STAB2: variants seen among roughly 807,000 people sequenced by gnomAD.
STAB2 encodes the protein stabilin-2.
In STAB2, 288 loss-of-function variants were observed where a neutral mutation model predicts 338.1. The observed-to-expected ratio is 0.85, with a 90% CI of 0.77 to 0.94. STAB2 has a LOEUF of 0.94. Ranked by LOEUF, STAB2 falls within the 40% of genes least tolerant of loss-of-function variation. The pLI, the probability that STAB2 is intolerant of heterozygous loss-of-function variation, is 0.00. For missense variants in STAB2, 3,141 were observed against 3,210.1 expected (o/e 0.98, Z 0.52); for synonymous variants, 1,202 against 1,193.3 (o/e 1.01, Z -0.15).
chr12:103,621,065 C>T (rs1461087437), intron 4 of STAB2, among the ~76,000 whole-genome samples: 1 of 151,882 alleles, frequency 6.6e-6, no homozygotes, highest in African/African-American at 2.4e-5. Flanking sequence ...CCATTGCACT[C>T]CAGTCTGGGT....
intron 35 of STAB2, 53 bp downstream of exon 35, chr12:103,703,329 T>G: frequency 6.3e-7 from 1 of 1,585,766 alleles, no homozygotes; most frequent in Non-Finnish European, 8.5e-7. Context: ...TTGGCTTTTT[T>G]TTATATAATT....
In STAB2 at chr12:103,746,604, T is replaced by C; in HGVS notation, c.6144T>C (p.Pro2048=). 1 of 1,614,078 alleles carries C rather than the reference T, an allele frequency of 6.2e-7. No homozygotes were observed. Among genetic ancestry groups the C allele is most frequent in the Non-Finnish European group, 8.5e-7 (1 of 1,179,904 alleles). The change falls in exon 58 of 69, where the codon CCT becomes CCC. Residue 2048 remains proline, a synonymous_variant. Transcript: ENST00000388887. ...GPSCDTQAVL[P]AVCTPPCSAH... is the part of the protein sequence containing the mutation. ...TGGCCCCTTTCTTTGCAGTTTTGCC[T>C]GCAGTGTGTACGCCTCCTTGTTCTG...
At chr12:103,649,921 A>G (rs572001988) in intron 10 of STAB2, among the ~76,000 whole-genome samples, 138 of 152,222 alleles carry the variant, frequency 9.1e-4, no homozygotes, top group Non-Finnish European at 1.7e-3. Flanking sequence ...CAAAGTCCTT[A>G]TACACTGCCT....
chr12:103,669,723 A>G, intron 21 of STAB2, 96 bp downstream of exon 21: 1 of 1,107,444 alleles, frequency 9.0e-7, no homozygotes, highest in Non-Finnish European at 1.3e-6. Flanking sequence ...TACTCTTCCC[A>G]GGAAGCAAAA....
chr12:103,677,654 G>T, intron 25 of STAB2, 43 bp downstream of exon 25: 3 of 1,584,534 alleles, frequency 1.9e-6, no homozygotes, highest in African/African-American at 2.7e-5. Context: ...CAGGAATCCT[G>T]CAGTGACTTT....
chr12:103,627,391 C>T (rs1231026750), intron 5 of STAB2, among the ~76,000 whole-genome samples: 3 of 152,232 alleles, frequency 2.0e-5, no homozygotes, highest in African/African-American at 7.2e-5. Context: ...GAGCAGCTTA[C>T]TCTGCTATGG....
At chr12:103,690,288 C>A in intron 29 of STAB2, 136 bp from the exon 30 acceptor site, 1 of 803,464 alleles carries the variant, frequency 1.2e-6, no homozygotes, top group Non-Finnish European at 1.9e-6. Context: ...CTAACTCTAG[C>A]CAAGGCTGGT....
In STAB2 at chr12:103,637,232, C is replaced by CG; in HGVS notation, c.706dup (p.Asp236GlyfsTer49). 1 of 1,609,288 alleles carries CG rather than the reference C, an allele frequency of 6.2e-7. No homozygotes were observed. Among genetic ancestry groups the CG allele is most frequent in the Non-Finnish European group, 8.5e-7 (1 of 1,178,422 alleles). On this transcript the variant is annotated frameshift_variant, in exon 7 of 69. Coordinates refer to ENST00000388887, the MANE Select transcript of STAB2 (RefSeq NM_017564.10). LOFTEE classifies it high-confidence loss of function. Reference sequence around the variant, plus strand: ...ATTACCGAGGCGATGGCAAATACTGCGACCGTGAGTAGAATTTAGATTCTG... The same window carrying CG: ...ATTACCGAGGCGATGGCAAATACTGCGGACCGTGAGTAGAATTTAGATTCTG...
chr12:103,696,204 G>A lies in STAB2; in HGVS notation c.3582+360G>A, dbSNP rs114840807. On this transcript the variant is annotated intron_variant, in intron 33 of 68. Coordinates refer to ENST00000388887, the MANE Select transcript of STAB2 (RefSeq NM_017564.10). ...AGAACCATCACTCTGGTTCTAGCCCGAGTGATGAAACCACATGGAGAAACC... is the reference window on the plus strand; with the variant it reads ...AGAACCATCACTCTGGTTCTAGCCCAAGTGATGAAACCACATGGAGAAACC... 6.5e-3 allele frequency among the ~76,000 whole-genome samples: 993 copies of A among 151,980 alleles called. 7 individuals are homozygous for A. Among genetic ancestry groups the A allele is most frequent in the African/African-American group, 0.023 (946 of 41,302 alleles).
chr12:103,643,160 G>A (rs1286158227), intron 9 of STAB2, among the ~76,000 whole-genome samples: 4 of 152,108 alleles, frequency 2.6e-5, no homozygotes. Flanking sequence ...GGGGTAGGGA[G>A]CTCTCTGGGA....
chr12:103,712,432 C>G lies in STAB2; in HGVS notation c.4400C>G (p.Thr1467Ser). 1 of 1,613,630 alleles carries G rather than the reference C, an allele frequency of 6.2e-7. No individual in the cohort carries two copies. Among genetic ancestry groups the G allele is most frequent in the Non-Finnish European group, 8.5e-7 (1 of 1,179,640 alleles). Residue 1467 changes from threonine to serine, a missense_variant, in exon 41 of 69, where the codon ACC becomes AGC. Coordinates refer to ENST00000388887, the MANE Select transcript of STAB2 (RefSeq NM_017564.10). The part of the protein sequence containing the change: ...KCAAGFQGNG[T>S]ICTAINACEI... Reference sequence around the variant, plus strand: ...GCAGCAGGATTCCAAGGAAACGGGACCATCTGCACAGGCAAGCGAAGGAAG... The same window carrying G: ...GCAGCAGGATTCCAAGGAAACGGGAGCATCTGCACAGGCAAGCGAAGGAAG...
chr12:103,668,985 T>A, intron 20 of STAB2: 1 of 402,084 alleles, frequency 2.5e-6, no homozygotes, highest in Non-Finnish European at 4.5e-6. Context: ...ACCCTCTGCC[T>A]GTGGCTCTGA....
At chr12:103,616,734 T>C (rs1213407099) in intron 3 of STAB2, among the ~76,000 whole-genome samples, 1 of 152,200 alleles carries the variant, frequency 6.6e-6, no homozygotes, top group African/African-American at 2.4e-5. Context: ...GAGCTGTCAC[T>C]ACCTTCCTAG....
rs374730743 is a variant in STAB2, at chr12:103,737,772, G to T, written c.5689G>T (p.Asp1897Tyr). The change falls in exon 53 of 69, where the codon GAT becomes TAT. Residue 1897 changes from aspartate (D) to tyrosine (Y), a missense_variant. Coordinates refer to ENST00000388887, the MANE Select transcript of STAB2 (RefSeq NM_017564.10). ...GGRCDTFTTF[D>Y]ASGECGSCVN... ...CCGCTGTGACACCTTTACTACTTTC[G>T]ATGCCTCGGTCAGTCCTAAAAACAA... 1 of 1,613,618 alleles carries T rather than the reference G, an allele frequency of 6.2e-7. No individual in the cohort carries two copies. Among genetic ancestry groups the T allele is most frequent in the Admixed American group, 1.7e-5 (1 of 59,940 alleles).
chr12:103,676,474 T>A (rs970015848), intron 24 of STAB2, among the ~76,000 whole-genome samples: 1 of 152,224 alleles, frequency 6.6e-6, no homozygotes, highest in African/African-American at 2.4e-5. Flanking sequence ...GAAGCATTTG[T>A]GTTTAAACCT....
chr12:103,742,799 A>G (rs1566066926), intron 56 of STAB2, among the ~76,000 whole-genome samples: 1 of 152,198 alleles, frequency 6.6e-6, no homozygotes, highest in Non-Finnish European at 1.5e-5. Context: ...TGGCTGAACA[A>G]TGTTCATTCG....
chr12:103,704,526 A>G (rs764499281), intron 35 of STAB2, 32 bp from the exon 36 acceptor site: 82 of 1,604,988 alleles, frequency 5.1e-5, no homozygotes, highest in Non-Finnish European at 6.6e-5. Flanking sequence ...TATTAAAGTT[A>G]ATTACATTGA....
intron 35 of STAB2, among the ~76,000 whole-genome samples, chr12:103,703,995 A>G (rs1287360944): frequency 1.3e-5 from 2 of 152,196 alleles, no homozygotes; most frequent in South Asian, 4.1e-4. Flanking sequence ...AGGGGTTTAA[A>G]TGTAGGCAGC....
chr12:103,750,677 G>A lies in STAB2; in HGVS notation c.6537G>A (p.Gly2179=). ...TTGACCGCTGCTTACAGGACAATGGGCAGTGCCATGCAGACGCCAAATGTG... is the reference window on the plus strand; with the variant it reads ...TTGACCGCTGCTTACAGGACAATGGACAGTGCCATGCAGACGCCAAATGTG... ...LPIDRCLQDN[G]QCHADAKCVD... is the part of the protein sequence containing the mutation. Residue 2179 remains glycine, a synonymous_variant, in exon 60 of 69, where the codon GGG becomes GGA. Coordinates refer to ENST00000388887, the MANE Select transcript of STAB2 (RefSeq NM_017564.10). The A allele has an allele frequency of 6.2e-7, 1 of 1,614,200 alleles. No homozygotes were observed. The highest frequency in any genetic ancestry group is 1.7e-5 in the Admixed American group (1 of 60,034).
Sources: gnomAD v4.1 joint callset for allele counts (sites outside exome capture counted in the v4.1 genomes callset) on GRCh38, gnomAD v4.1.1 for gene constraint, MANE v1.5 for transcripts, NCBI Gene and HGNC (gene_info 2026-07-23, HGNC 2026-07-21) for gene names.